Variants in TRPM6 observed in about 807,000 individuals in gnomAD.
TRPM6 encodes channel kinase 2.
A neutral mutation model predicts 247.6 loss-of-function variants in TRPM6; 111 were observed. The ratio of observed to expected loss-of-function variants is 0.45; its 90% CI spans 0.38 to 0.52. TRPM6 has a LOEUF of 0.52. Ranked by LOEUF, TRPM6 falls within the 20% of genes least tolerant of loss-of-function variation. TRPM6 has a pLI of 0.00. For synonymous variants in TRPM6, 892 were observed against 853.8 expected, an observed-to-expected ratio of 1.04 and a Z score of -0.78; for missense variants, 2,126 against 2,421.5, an observed-to-expected ratio of 0.88 and a Z score of 2.56.
At chr9:74,805,870 A>T (rs1205118113) in intron 14 of TRPM6, among the ~76,000 whole-genome samples, 1 of 152,230 alleles carries the variant, frequency 6.6e-6, no homozygotes, top group East Asian at 1.9e-4. Flanking sequence ...GCAAGCAAGC[A>T]GTAGTTAGAC....
At chr9:74,846,593 G>A (rs1830117310) in intron 3 of TRPM6, among the ~76,000 whole-genome samples, 1 of 151,928 alleles carries the variant, frequency 6.6e-6, no homozygotes, top group Admixed American at 6.6e-5. Context: ...TGCCCAGGCT[G>A]GAATGCAGTG....
intron 25 of TRPM6, among the ~76,000 whole-genome samples, chr9:74,767,885 A>AGGAT (rs2118866624): frequency 6.6e-6 from 1 of 152,302 alleles, no homozygotes; most frequent in African/African-American, 2.4e-5. Flanking sequence ...CTGAGGCAAG[A>AGGAT]GGATCGCTTG....
rs114009149 is a variant in TRPM6, at chr9:74,761,396, A to G, written c.4785+300T>C. ...ACATGTTAGCAGATAAGTAAATTGC[A>G]GTATATCCACTCTAATGACTCTTAA... On this transcript the variant is annotated intron_variant, in intron 27 of 38. Transcript: ENST00000360774. Among the ~76,000 whole-genome samples the G allele has an allele frequency of 7.8e-3, 1,193 of 152,304 alleles. 11 individuals are homozygous for G. The highest frequency in any genetic ancestry group is 0.027 in the African/African-American group (1,137 of 41,568).
chr9:74,762,072 G>C lies in TRPM6; in HGVS notation c.4599C>G (p.Tyr1533Ter). The C allele has an allele frequency of 1.2e-6, 2 of 1,614,196 alleles. No individual in the cohort carries two copies. Among genetic ancestry groups the C allele is most frequent in the Non-Finnish European group, 1.7e-6 (2 of 1,180,032 alleles). The part of the protein sequence containing the change: ...TSFWINPLRR[Y>*]RPFARSHSFR... ...AACTATGACTCCTAGCGAAGGGCCT[G>C]TATCTGCGGAGAGGATTGATCCAAA... Residue 1533 changes from tyrosine (Y) to a stop codon, truncating the protein, a stop_gained, in exon 26 of 39, where the codon TAC becomes TAG. Transcript: ENST00000360774. LOFTEE classifies it high-confidence loss of function.
intron 14 of TRPM6, among the ~76,000 whole-genome samples, chr9:74,804,191 A>G (rs1828450761): frequency 6.6e-6 from 1 of 152,206 alleles, no homozygotes; most frequent in African/African-American, 2.4e-5. Context: ...ATTCCATTAG[A>G]ATGAATGGAT....
intron 24 of TRPM6, among the ~76,000 whole-genome samples, chr9:74,775,604 A>C (rs1313367706): frequency 6.6e-6 from 1 of 152,198 alleles, no homozygotes; most frequent in African/African-American, 2.4e-5. Context: ...CAGAGAAAAC[A>C]CAAGTTTTCC....
At chr9:74,816,132 C>A (rs904492788) in intron 11 of TRPM6, among the ~76,000 whole-genome samples, 6 of 152,160 alleles carry the variant, frequency 3.9e-5, no homozygotes, top group Non-Finnish European at 7.4e-5. Flanking sequence ...GTAGCAAGAT[C>A]ATTTGAGGCC....
chr9:74,791,781 G>A (rs968659852), intron 19 of TRPM6, among the ~76,000 whole-genome samples: 9 of 151,914 alleles, frequency 5.9e-5, no homozygotes, highest in Admixed American at 5.9e-4. Flanking sequence ...TTTGAGATGG[G>A]GTCTCGCTCT....
chr9:74,788,575 G>C lies in TRPM6; in HGVS notation c.2667+39C>G, dbSNP rs1346126095. ...TTCAGTGGACACCTACAGAAGCTGA[G>C]GACATATGCAGAAGATAAAGGTAGA... On this transcript the variant is annotated intron_variant, in intron 20 of 38. Coordinates refer to ENST00000360774, the MANE Select transcript of TRPM6 (RefSeq NM_017662.5). 2.5e-6 allele frequency: 4 copies of C among 1,612,100 alleles called. No homozygotes were observed. The East Asian group carries it at 8.9e-5, about 36-fold the overall frequency.
intron 27 of TRPM6, among the ~76,000 whole-genome samples, chr9:74,761,076 C>T (rs1217227454): frequency 1.3e-5 from 2 of 152,176 alleles, no homozygotes; most frequent in Non-Finnish European, 2.9e-5. Context: ...ATTAATCACC[C>T]AGTCTTAGAT....
Position 74,849,130 on chromosome 9 carries a change from A to T in TRPM6, c.152+6397T>A, listed in dbSNP as rs539665514. Among the ~76,000 whole-genome samples the T allele has an allele frequency of 5.3e-5, 8 of 152,294 alleles. No individual in the cohort carries two copies. The East Asian group carries it at 1.5e-3, about 29-fold the overall frequency. On this transcript the variant is annotated intron_variant, in intron 3 of 38. Transcript: ENST00000360774. ...TTCGGGAGGCCGAGGTGGGCAGATC[A>T]CCTGAGGTCAGGAGTTCGAGACCAA...
intron 1 of TRPM6, among the ~76,000 whole-genome samples, chr9:74,873,267 G>T (rs1301678578): frequency 1.3e-5 from 2 of 152,140 alleles, no homozygotes; most frequent in Non-Finnish European, 2.9e-5. Context: ...AAGTCTGAAT[G>T]AGGACCTCCT....
At chr9:74,749,536 T>C (rs1313071488) in intron 30 of TRPM6, among the ~76,000 whole-genome samples, 1 of 152,220 alleles carries the variant, frequency 6.6e-6, no homozygotes, top group Non-Finnish European at 1.5e-5. Context: ...TGAATGTCTC[T>C]GGACAAGCCT....
chr9:74,866,723 C>G (rs749298526), intron 1 of TRPM6, among the ~76,000 whole-genome samples: 1 of 152,160 alleles, frequency 6.6e-6, no homozygotes, highest in African/African-American at 2.4e-5. Context: ...TCAGGTGATA[C>G]ACCCACCTCA....
intron 21 of TRPM6, among the ~76,000 whole-genome samples, chr9:74,784,332 T>C (rs1587501510): frequency 6.6e-6 from 1 of 151,362 alleles, no homozygotes; most frequent in African/African-American, 2.4e-5. Context: ...CAAGCTCAGG[T>C]GACAGACTGG....
Position 74,808,873 on chromosome 9 carries a change from T to G in TRPM6, c.1498-699A>C, listed in dbSNP as rs998333596. Among the ~76,000 whole-genome samples the G allele has an allele frequency of 4.6e-5, 7 of 152,244 alleles. No homozygotes were observed. The East Asian group carries it at 9.6e-4, about 21-fold the overall frequency. ...TCCTTGAATTGAACTTAATCCAGTATAGACAGTATAGTGTTTTCTATATTT... is the reference window on the plus strand; with the variant it reads ...TCCTTGAATTGAACTTAATCCAGTAGAGACAGTATAGTGTTTTCTATATTT... On this transcript the variant is annotated intron_variant, in intron 13 of 38. Coordinates refer to ENST00000360774, the MANE Select transcript of TRPM6 (RefSeq NM_017662.5).
At chr9:74,852,838 C>G (rs944990101) in intron 3 of TRPM6, among the ~76,000 whole-genome samples, 1 of 152,052 alleles carries the variant, frequency 6.6e-6, no homozygotes, top group Admixed American at 6.5e-5. Flanking sequence ...TCTCGGCTCG[C>G]TACAACCTCC....
intron 21 of TRPM6, among the ~76,000 whole-genome samples, chr9:74,785,660 C>G (rs946906916): frequency 2.6e-5 from 4 of 152,074 alleles, no homozygotes; most frequent in Admixed American, 6.6e-5. Flanking sequence ...GTAGCTGGGA[C>G]TACAGGTGCC....
intron 3 of TRPM6, among the ~76,000 whole-genome samples, chr9:74,854,342 A>C (rs950094701): frequency 6.6e-6 from 1 of 152,204 alleles, no homozygotes; most frequent in Non-Finnish European, 1.5e-5. Context: ...TAAAGAATAT[A>C]GTAGAAACTA....
Sources: gnomAD v4.1 joint callset for allele counts (sites outside exome capture counted in the v4.1 genomes callset) on GRCh38, gnomAD v4.1.1 for gene constraint, MANE v1.5 for transcripts, NCBI Gene and HGNC (gene_info 2026-07-23, HGNC 2026-07-21) for gene names.